ZIK1: variants seen among roughly 807,000 people sequenced by gnomAD.
ZIK1 encodes the protein zinc finger protein interacting with K protein 1.
In ZIK1, 12 loss-of-function variants were observed where a neutral mutation model predicts 10.7. The ratio of observed to expected loss-of-function variants is 1.12; its 90% CI spans 0.72 to 1.81. The LOEUF (loss-of-function observed/expected upper bound fraction) is 1.81. ZIK1 is among the 40% of genes most tolerant of loss of function. The probability of loss-of-function intolerance (pLI) is 0.00; values close to 1 mark genes in which losing one functional copy is unlikely to be tolerated. For synonymous variants in ZIK1, 190 were observed against 205.0 expected (o/e 0.93, Z 0.63); for missense variants, 497 against 585.7 (o/e 0.85, Z 1.56).
intron 2 of ZIK1, among the ~76,000 whole-genome samples, chr19:57,586,013 G>A (rs1250072672): frequency 2.0e-5 from 3 of 151,580 alleles, no homozygotes; most frequent in Non-Finnish European, 4.4e-5. Flanking sequence ...GATTACAGGC[G>A]TGAGCCACCA....
Position 57,584,971 on chromosome 19 carries a change from C to T in ZIK1, c.53C>T (p.Thr18Ile), listed in dbSNP as rs1327416201. 6.2e-7 allele frequency: 1 copy of T among 1,613,952 alleles called. No individual in the cohort carries two copies. Among genetic ancestry groups the T allele is most frequent in the East Asian group, 2.2e-5 (1 of 44,852 alleles). ...APTQVTVSPE[T>I]HMDLTKGCVT... is the part of the protein sequence containing the mutation. ...CCACAGGTTACTGTGTCTCCAGAAACACATATGGACCTCACAAAGGTGAGT... is the reference window on the plus strand; with the variant it reads ...CCACAGGTTACTGTGTCTCCAGAAATACATATGGACCTCACAAAGGTGAGT... Residue 18 changes from threonine to isoleucine, a missense_variant, in exon 2 of 4, where the codon ACA becomes ATA. Transcript: ENST00000597850.
intron 3 of ZIK1, 96 bp from the exon 4 acceptor site, chr19:57,589,911 AAAAC>A (rs1369709285): frequency 4.2e-6 from 6 of 1,415,672 alleles, no homozygotes. Context: ...CATTATCCTC[AAAAC>A]AAACCTGGTG....
In ZIK1 at chr19:57,590,484, A is replaced by C. The variant is rs555692410; in HGVS notation, c.673A>C (p.Thr225Pro). ...TGGGAAGGCTTCCAGGCACAAACAC[A>C]CTCCTGTTTACCATCCAAGAGTCTA... ...ECGKASRHKH[T>P]PVYHPRVYTG... is the part of the protein sequence containing the mutation. Residue 225 changes from threonine to proline, a missense_variant, in exon 4 of 4, where the codon ACT (threonine) becomes CCT (proline). Coordinates refer to ENST00000597850, the MANE Select transcript of ZIK1 (RefSeq NM_001010879.4). 7.4e-6 allele frequency: 12 copies of C among 1,613,812 alleles called. No individual in the cohort carries two copies. In the Admixed American group the frequency reaches 2.0e-4, roughly 27 times the overall value.
chr19:57,593,462 G>A lies in ZIK1; in HGVS notation c.*2187G>A, dbSNP rs1366214872. 1 of 152,120 alleles carries A rather than the reference G, an allele frequency of 6.6e-6. No homozygotes were observed. Among genetic ancestry groups the A allele is most frequent in the African/African-American group, 2.4e-5 (1 of 41,406 alleles). 9.4% of individuals were successfully genotyped at this position (152,120 alleles called of 1,614,324 possible). A position where few individuals can be genotyped will look rare whatever the true frequency, so the allele number is the denominator to read the frequency against. On this transcript the variant is annotated 3_prime_UTR_variant, in exon 4 of 4. Coordinates refer to ENST00000597850, the MANE Select transcript of ZIK1 (RefSeq NM_001010879.4). ...ACAGTTGGATGCTTTCCAGTTTTGG[G>A]CTGTTGCAAATAATGCTACTATGAA...
intron 2 of ZIK1, among the ~76,000 whole-genome samples, chr19:57,587,578 C>T (rs939064839): frequency 6.6e-6 from 1 of 152,168 alleles, no homozygotes; most frequent in Non-Finnish European, 1.5e-5. Flanking sequence ...AGAGTCCCTA[C>T]CAGAACCTGA....
At chr19:57,584,625 C>G in intron 1 of ZIK1, 1 of 1,383,818 alleles carries the variant, frequency 7.2e-7, no homozygotes, top group Non-Finnish European at 9.3e-7. Context: ...GAGGAGTTTT[C>G]CCTCAATTCT....
Position 57,590,604 on chromosome 19 carries a change from AG to A in ZIK1, c.795del (p.Arg265SerfsTer18), listed in dbSNP as rs1979593868. 1.9e-6 allele frequency: 3 copies of A among 1,614,250 alleles called. No homozygotes were observed. Among genetic ancestry groups the A allele is most frequent in the Non-Finnish European group, 2.5e-6 (3 of 1,180,044 alleles). On this transcript the variant is annotated frameshift_variant, in exon 4 of 4. Transcript: ENST00000597850. LOFTEE classifies it low-confidence loss of function (END_TRUNC). ...GCACCAGAGAGTCCATACTGGAGAA[AG>A]GCCTTGGGAGTGCAATGAATGTGGA... ...VQHQRVHTGE[R>X]PWECNECGKF...
chr19:57,588,325 C>T (rs943973144), intron 2 of ZIK1, among the ~76,000 whole-genome samples: 12 of 152,090 alleles, frequency 7.9e-5, no homozygotes, highest in African/African-American at 2.7e-4. Flanking sequence ...AGAAGGGATA[C>T]ACTCCTACAT....
rs574994128 is a variant in ZIK1, at chr19:57,593,371, T to C, written c.*2096T>C. The C allele has an allele frequency of 1.3e-5, 2 of 152,274 alleles. No homozygotes were observed. The highest frequency in any genetic ancestry group is 4.8e-5 in the African/African-American group (2 of 41,542). The allele number at this position is 152,274 out of a possible 1,614,324, so 9.4% of individuals were successfully genotyped here. A position where few individuals can be genotyped will look rare whatever the true frequency, so the allele number is the denominator to read the frequency against. On this transcript the variant is annotated 3_prime_UTR_variant, in exon 4 of 4. Transcript: ENST00000597850. ...AATTACTTTTAAGATTTATCAATATTGCTTATGTGAATAGTTCATTTGTAT... is the reference window on the plus strand; with the variant it reads ...AATTACTTTTAAGATTTATCAATATCGCTTATGTGAATAGTTCATTTGTAT...
chr19:57,589,126 T>C (rs1979430117), intron 3 of ZIK1: 1 of 249,158 alleles, frequency 4.0e-6, no homozygotes, highest in Non-Finnish European at 6.4e-6. Flanking sequence ...TGTTGTGTGC[T>C]GAGTCGTTCT....
chr19:57,589,110 A>G (rs1320197410), intron 3 of ZIK1: 1 of 197,752 alleles, frequency 5.1e-6, no homozygotes, highest in East Asian at 1.8e-4. Flanking sequence ...TTTCTTGCCC[A>G]TGGGCTGTTG....
chr19:57,586,072 G>GT (rs1427653946), intron 2 of ZIK1, among the ~76,000 whole-genome samples: 1 of 151,898 alleles, frequency 6.6e-6, no homozygotes, highest in Non-Finnish European at 1.5e-5. Context: ...TTTGTCTTTA[G>GT]CTATTATCAT....
chr19:57,587,071 A>G (rs1460477889), intron 2 of ZIK1, among the ~76,000 whole-genome samples: 1 of 152,224 alleles, frequency 6.6e-6, no homozygotes, highest in Non-Finnish European at 1.5e-5. Flanking sequence ...GAACTTGTTC[A>G]GGGGAACTCC....
Position 57,590,324 on chromosome 19 carries a change from G to A in ZIK1, c.513G>A (p.Glu171=). The A allele has an allele frequency of 1.2e-6, 2 of 1,614,216 alleles. No individual in the cohort carries two copies. The highest frequency in any genetic ancestry group is 1.7e-6 in the Non-Finnish European group (2 of 1,180,026). ...CATTGAAGCCCTTTCGCAAATGGGAGGTTGGAAAGGACCTTCCAGCCATGT... is the reference window on the plus strand; with the variant it reads ...CATTGAAGCCCTTTCGCAAATGGGAAGTTGGAAAGGACCTTCCAGCCATGT... The part of the protein sequence containing the change: ...CMSLKPFRKW[E]VGKDLPAMLR... Residue 171 remains glutamate (E), a synonymous_variant, in exon 4 of 4, where the codon GAG becomes GAA. Coordinates refer to ENST00000597850, the MANE Select transcript of ZIK1 (RefSeq NM_001010879.4).
Position 57,593,657 on chromosome 19 carries a change from A to G in ZIK1, c.*2382A>G, listed in dbSNP as rs1040812864. 1 of 151,936 alleles carries G rather than the reference A, an allele frequency of 6.6e-6. No individual in the cohort carries two copies. Among genetic ancestry groups the G allele is most frequent in the Non-Finnish European group, 1.5e-5 (1 of 68,016 alleles). 9.4% of individuals were successfully genotyped at this position (151,936 alleles called of 1,614,324 possible). A position where few individuals can be genotyped will look rare whatever the true frequency, so the allele number is the denominator to read the frequency against. On this transcript the variant is annotated 3_prime_UTR_variant, in exon 4 of 4. Coordinates refer to ENST00000597850, the MANE Select transcript of ZIK1 (RefSeq NM_001010879.4). ...CTTCTTATTTCTCTACATTCTTGCC[A>G]TACTTGGTATGGTTAGTCTTTTTAA...
chr19:57,588,811 A>C, intron 3 of ZIK1, 146 bp downstream of exon 3: 1 of 862,514 alleles, frequency 1.2e-6, no homozygotes, highest in Non-Finnish European at 1.6e-6. Flanking sequence ...GTCTGGGAAC[A>C]CCTGCTGCCC....
chr19:57,590,997 A>G lies in ZIK1; in HGVS notation c.1186A>G (p.Lys396Glu). The G allele has an allele frequency of 6.2e-7, 1 of 1,612,536 alleles. No individual in the cohort carries two copies. The highest frequency in any genetic ancestry group is 8.5e-7 in the Non-Finnish European group (1 of 1,179,576). Residue 396 changes from lysine (K) to glutamate (E), a missense_variant, in exon 4 of 4, where the codon AAA (lysine) becomes GAA (glutamate). Lys to Glu is a moderately conservative substitution (Grantham distance 56). Transcript: ENST00000597850. ...KSFSQKATLI[K>E]HQRVHTGERP... ...CTTTAGTCAAAAAGCTACCCTCATT[A>G]AACACCAGAGAGTTCACACTGGAGA...
intron 2 of ZIK1, among the ~76,000 whole-genome samples, chr19:57,587,849 G>A (rs562751131): frequency 3.3e-5 from 5 of 152,246 alleles, no homozygotes; most frequent in African/African-American, 1.2e-4. Flanking sequence ...TAGGTTGGAG[G>A]TAGAGAGCCA....
At chr19:57,584,496 G>A in intron 1 of ZIK1, 107 bp downstream of exon 1, 1 of 1,447,082 alleles carries the variant, frequency 6.9e-7, no homozygotes. Flanking sequence ...CTCGTGGGTG[G>A]GGTCCCTATT....
Sources: allele counts gnomAD v4.1 joint callset (sites outside exome capture counted in the v4.1 genomes callset), GRCh38; gene constraint gnomAD v4.1.1; transcripts MANE v1.5; gene names NCBI Gene and HGNC (gene_info 2026-07-23, HGNC 2026-07-21).